The following RUNX1 variants were observed in gnomAD, a reference collection of about 807,000 sequenced individuals.
The protein encoded by RUNX1 is runt-related transcription factor 1.
A neutral mutation model predicts 42.8 loss-of-function variants in RUNX1; 19 were observed. The observed-to-expected ratio is 0.44, with a 90% confidence interval of 0.31 to 0.65. The LOEUF (loss-of-function observed/expected upper bound fraction) is 0.65, where lower values mean the gene tolerates loss of function less well. Among genes scored for constraint, RUNX1 ranks in the 30% least tolerant of loss-of-function variants. The probability of loss-of-function intolerance (pLI) is 0.07; values close to 1 mark genes in which losing one functional copy is unlikely to be tolerated. For missense variants in RUNX1, 528 were observed against 672.0 expected, an observed-to-expected ratio of 0.79 and a Z score of 2.37; for synonymous variants, 271 against 289.4, an observed-to-expected ratio of 0.94 and a Z score of 0.64.
chr21:34,863,471 A>G (rs2146258144), intron 5 of RUNX1, among the ~76,000 whole-genome samples: 1 of 152,156 alleles, frequency 6.6e-6, no homozygotes, highest in African/African-American at 2.4e-5. Flanking sequence ...AACCTATATA[A>G]TCAGGAGTAA....
At chr21:35,012,173 T>G (rs1301349925) in intron 2 of RUNX1, among the ~76,000 whole-genome samples, 1 of 152,212 alleles carries the variant, frequency 6.6e-6, no homozygotes, top group East Asian at 1.9e-4. Flanking sequence ...TCGGCTGGCA[T>G]GTGCATCTAT....
intron 2 of RUNX1, among the ~76,000 whole-genome samples, chr21:35,034,413 A>G (rs561714921): frequency 2.0e-5 from 3 of 152,288 alleles, no homozygotes; most frequent in African/African-American, 7.2e-5. Context: ...GTAGAGGTCA[A>G]ATTAGGTGTG....
intron 6 of RUNX1, 94 bp downstream of exon 6, chr21:34,859,380 G>T: frequency 1.9e-6 from 2 of 1,039,858 alleles, no homozygotes; most frequent in Non-Finnish European, 3.0e-6. Context: ...GGGAAAGGTT[G>T]AACCCAAGGA....
At chr21:34,793,731 T>A (rs1438019598) in intron 8 of RUNX1, among the ~76,000 whole-genome samples, 2 of 151,284 alleles carry the variant, frequency 1.3e-5, no homozygotes, top group Admixed American at 1.3e-4. Flanking sequence ...GGAGACAAAG[T>A]CTCGCTCTGT....
intron 7 of RUNX1, among the ~76,000 whole-genome samples, chr21:34,825,266 A>C (rs1020373283): frequency 4.6e-5 from 7 of 152,040 alleles, no homozygotes; most frequent in Non-Finnish European, 8.8e-5. Flanking sequence ...CTACCATCTA[A>C]GCTGTCATGA....
chr21:34,893,781 T>A lies in RUNX1; in HGVS notation c.59-818A>T, dbSNP rs560233151. On this transcript the variant is annotated intron_variant, in intron 2 of 8. Coordinates refer to ENST00000675419, the MANE Select transcript of RUNX1 (RefSeq NM_001754.5). ...ATATTTAGTATGCTGTTTTTTTTTT[T>A]TTAAAAAAAAACCTTTAAAATAAGA... Among the ~76,000 whole-genome samples the A allele has an allele frequency of 4.9e-3, 655 of 134,888 alleles. 6 individuals are homozygous for A. Among genetic ancestry groups the A allele is most frequent in the African/African-American group, 0.02 (622 of 30,406 alleles). The allele number at this position is 134,888 out of a possible 152,430, so 88.5% of individuals were successfully genotyped here. A position where few individuals can be genotyped will look rare whatever the true frequency, so the allele number is the denominator to read the frequency against.
chr21:35,013,218 T>TG (rs1384264277), intron 2 of RUNX1, among the ~76,000 whole-genome samples: 1 of 152,222 alleles, frequency 6.6e-6, no homozygotes, highest in African/African-American at 2.4e-5. Flanking sequence ...AACATTATAT[T>TG]GGGGGTCTAT....
At chr21:34,949,024 G>T (rs2058586968) in intron 2 of RUNX1, among the ~76,000 whole-genome samples, 1 of 152,054 alleles carries the variant, frequency 6.6e-6, no homozygotes, top group Non-Finnish European at 1.5e-5. Context: ...AAAGTGCTGG[G>T]ATTACAGGCG....
intron 2 of RUNX1, among the ~76,000 whole-genome samples, chr21:34,903,142 T>C (rs2834664): frequency 0.19 from 29,091 of 152,138 alleles, 3,892 homozygotes; most frequent in African/African-American, 0.37. Flanking sequence ...TCGTATTCTA[T>C]AATTTACATG....
chr21:34,825,325 C>A (rs2056971035), intron 7 of RUNX1, among the ~76,000 whole-genome samples: 1 of 152,206 alleles, frequency 6.6e-6, no homozygotes, highest in African/African-American at 2.4e-5. Context: ...GTTTCCCCAT[C>A]TGGCACTGCT....
At chr21:34,877,086 T>G (rs1357131349) in intron 5 of RUNX1, among the ~76,000 whole-genome samples, 3 of 152,280 alleles carry the variant, frequency 2.0e-5, no homozygotes, top group Middle Eastern at 3.4e-3. Context: ...CTTGAACTCC[T>G]GACCTCAGGT....
intron 6 of RUNX1, among the ~76,000 whole-genome samples, chr21:34,852,171 A>AAAC (rs771791489): frequency 5.8e-4 from 62 of 107,740 alleles, no homozygotes; most frequent in Non-Finnish European, 9.3e-4. Flanking sequence ...CTGTCTCAAA[A>AAAC]AACAAAACAA....
At chr21:34,881,133 A>G (rs2057898964) in intron 4 of RUNX1, among the ~76,000 whole-genome samples, 1 of 152,214 alleles carries the variant, frequency 6.6e-6, no homozygotes, top group Non-Finnish European at 1.5e-5. Context: ...CGTCTCCTGA[A>G]TACAAGCATC....
At chr21:34,963,986 GCATT>G (rs749228044) in intron 2 of RUNX1, among the ~76,000 whole-genome samples, 1 of 152,240 alleles carries the variant, frequency 6.6e-6, no homozygotes, top group South Asian at 2.1e-4. Flanking sequence ...GATTGGGATG[GCATT>G]CATTCATTCA....
At chr21:34,959,956 G>A (rs759469841) in intron 2 of RUNX1, among the ~76,000 whole-genome samples, 11 of 152,130 alleles carry the variant, frequency 7.2e-5, no homozygotes, top group Non-Finnish European at 1.3e-4. Context: ...CAGGGGTGTA[G>A]GACTGGGCTG....
intron 7 of RUNX1, chr21:34,821,505 G>A: frequency 1.3e-6 from 2 of 1,487,204 alleles, no homozygotes; most frequent in Non-Finnish European, 1.8e-6. Context: ...TTTGCAGAGG[G>A]GGAGAAGGGA....
At chr21:34,852,147 G>A (rs528861112) in intron 6 of RUNX1, among the ~76,000 whole-genome samples, 15 of 152,010 alleles carry the variant, frequency 9.9e-5, no homozygotes, top group East Asian at 1.9e-4. Flanking sequence ...CAGCCTGGGC[G>A]AAAGAGCAAG....
At chr21:34,890,255 C>T (rs1167210599) in intron 3 of RUNX1, among the ~76,000 whole-genome samples, 2 of 152,024 alleles carry the variant, frequency 1.3e-5, no homozygotes, top group Admixed American at 1.3e-4. Flanking sequence ...GTCCCCGGAG[C>T]TCCCGGAACG....
chr21:35,033,490 C>T (rs2059287228), intron 2 of RUNX1, among the ~76,000 whole-genome samples: 1 of 152,176 alleles, frequency 6.6e-6, no homozygotes, highest in African/African-American at 2.4e-5. Flanking sequence ...TGTGGGATTC[C>T]TGTTCTCTGT....
Sources: gnomAD v4.1 joint callset for allele counts (sites outside exome capture counted in the v4.1 genomes callset) on GRCh38, gnomAD v4.1.1 for gene constraint, MANE v1.5 for transcripts, NCBI Gene and HGNC (gene_info 2026-07-23, HGNC 2026-07-21) for gene names.